Variants in RTN1 observed in about 807,000 individuals in gnomAD.
The protein encoded by RTN1 is reticulon-1.
RTN1 carries 25 observed loss-of-function variants against 65.5 expected under a neutral mutation model. The observed-to-expected ratio is 0.38, with a 90% CI of 0.28 to 0.53. The LOEUF (loss-of-function observed/expected upper bound fraction) is 0.53. RTN1 is among the 20% of genes least tolerant of loss of function. The probability of loss-of-function intolerance (pLI) is 0.79; values close to 1 mark genes in which losing one functional copy is unlikely to be tolerated. For synonymous variants in RTN1, 471 were observed against 447.6 expected (o/e 1.05, Z -0.66); for missense variants, 983 against 1,025.4 (o/e 0.96, Z 0.57).
chr14:59,717,908 T>TCTCAAG (rs1447580979), intron 3 of RTN1, among the ~76,000 whole-genome samples: 6 of 152,208 alleles, frequency 3.9e-5, no homozygotes, highest in Non-Finnish European at 8.8e-5. Context: ...ATTCTCAAGT[T>TCTCAAG]CTCTGCCTAC....
At chr14:59,782,152 G>T (rs545825355) in intron 1 of RTN1, among the ~76,000 whole-genome samples, 2 of 152,230 alleles carry the variant, frequency 1.3e-5, no homozygotes, top group South Asian at 2.1e-4. Flanking sequence ...CACCAAATCT[G>T]CCTTGATCTT....
At chr14:59,776,564 CAA>C (rs1415252715) in intron 1 of RTN1, among the ~76,000 whole-genome samples, 1 of 152,102 alleles carries the variant, frequency 6.6e-6, no homozygotes, top group Non-Finnish European at 1.5e-5. Context: ...CTAAGACATT[CAA>C]AAATAGGAAC....
chr14:59,623,174 C>T (rs1432543467), intron 3 of RTN1, among the ~76,000 whole-genome samples: 1 of 152,246 alleles, frequency 6.6e-6, no homozygotes, highest in Non-Finnish European at 1.5e-5. Flanking sequence ...TCCCGAATGA[C>T]TCCTCCTCGG....
intron 3 of RTN1, 28 bp downstream of exon 3, chr14:59,726,891 C>T (rs949907750): frequency 1.3e-6 from 2 of 1,585,026 alleles, no homozygotes; most frequent in Admixed American, 3.5e-5. Flanking sequence ...AGGACACTAA[C>T]CAAGCATCCC....
At chr14:59,696,917 C>T (rs1299935942) in intron 3 of RTN1, among the ~76,000 whole-genome samples, 1 of 152,146 alleles carries the variant, frequency 6.6e-6, no homozygotes, top group East Asian at 1.9e-4. Context: ...ATCACAAGAT[C>T]TAGAAAATAT....
intron 1 of RTN1, among the ~76,000 whole-genome samples, chr14:59,812,817 AAAC>A (rs1360520495): frequency 6.6e-6 from 1 of 152,236 alleles, no homozygotes; most frequent in Non-Finnish European, 1.5e-5. Flanking sequence ...AAAAGTACAA[AAAC>A]AACACACTGA....
intron 1 of RTN1, among the ~76,000 whole-genome samples, chr14:59,842,543 C>T (rs1887333221): frequency 6.6e-6 from 1 of 151,942 alleles, no homozygotes; most frequent in Non-Finnish European, 1.5e-5. Flanking sequence ...TCTTAGGGCA[C>T]TGGGGCTTAA....
In RTN1 at chr14:59,651,734, AAAAC is replaced by A. The variant is rs754385867; in HGVS notation, c.1766-44246_1766-44243del. Among the ~76,000 whole-genome samples the A allele has an allele frequency of 2.1e-4, 32 of 152,146 alleles. No individual in the cohort carries two copies. In the East Asian group the frequency reaches 4.6e-3, roughly 22 times the overall value. ...GCCTGGGTGACAGAGACTCCATCTC[AAAAC>A]AAACAAACAAACAAACAACCCCCCC... On this transcript the variant is annotated intron_variant, in intron 3 of 8. Transcript: ENST00000267484.
intron 1 of RTN1, among the ~76,000 whole-genome samples, chr14:59,756,833 T>A (rs1275918172): frequency 2.0e-5 from 2 of 99,042 alleles, no homozygotes; most frequent in African/African-American, 5.8e-5. Flanking sequence ...TCCATAATTC[T>A]TTTTTTTGTT....
intron 8 of RTN1, among the ~76,000 whole-genome samples, chr14:59,601,368 C>G (rs1242221123): frequency 4.6e-5 from 7 of 152,138 alleles, no homozygotes; most frequent in Non-Finnish European, 1.5e-5. Context: ...CAGGAAGGAA[C>G]AATTGTTTCC....
At chr14:59,756,783 C>A (rs1007632156) in intron 1 of RTN1, among the ~76,000 whole-genome samples, 3 of 149,556 alleles carry the variant, frequency 2.0e-5, no homozygotes, top group African/African-American at 7.4e-5. Context: ...CCCCACCCCC[C>A]ACACAGAATT....
At chr14:59,697,109 T>C (rs1884079851) in intron 3 of RTN1, among the ~76,000 whole-genome samples, 1 of 152,190 alleles carries the variant, frequency 6.6e-6, no homozygotes, top group Non-Finnish European at 1.5e-5. Context: ...CATTTTCCTA[T>C]GAATAAATGC....
intron 3 of RTN1, among the ~76,000 whole-genome samples, chr14:59,679,815 T>C (rs771996243): frequency 5.3e-5 from 8 of 152,196 alleles, no homozygotes; most frequent in South Asian, 4.1e-4. Flanking sequence ...CAGACTTGCA[T>C]ATAATTTTCC....
intron 1 of RTN1, among the ~76,000 whole-genome samples, chr14:59,761,200 C>T (rs1885741165): frequency 6.6e-6 from 1 of 152,202 alleles, no homozygotes; most frequent in African/African-American, 2.4e-5. Flanking sequence ...AAAGAATTTT[C>T]ATGCTAATTG....
chr14:59,716,548 T>A (rs1019818217), intron 3 of RTN1, among the ~76,000 whole-genome samples: 1 of 152,158 alleles, frequency 6.6e-6, no homozygotes, highest in Non-Finnish European at 1.5e-5. Context: ...ATTCGGAGGG[T>A]AATTTAAATA....
At chr14:59,597,769 A>G (rs571169984) in intron 8 of RTN1, among the ~76,000 whole-genome samples, 5 of 152,356 alleles carry the variant, frequency 3.3e-5, no homozygotes, top group Admixed American at 3.3e-4. Context: ...ACTGATCCTC[A>G]GAGGACAGGA....
chr14:59,723,806 C>T (rs1449242054), intron 3 of RTN1, among the ~76,000 whole-genome samples: 3 of 152,262 alleles, frequency 2.0e-5, no homozygotes, highest in East Asian at 3.9e-4. Context: ...AAGCCACACA[C>T]TTTTGAGTTG....
intron 1 of RTN1, among the ~76,000 whole-genome samples, chr14:59,855,105 T>C (rs12432068): frequency 0.21 from 32,667 of 152,140 alleles, 3,913 homozygotes; most frequent in East Asian, 0.5. Flanking sequence ...CATGAGGCAA[T>C]ATACCTGTCA....
At chr14:59,765,341 G>A (rs912294050) in intron 1 of RTN1, among the ~76,000 whole-genome samples, 2 of 152,200 alleles carry the variant, frequency 1.3e-5, no homozygotes, top group Admixed American at 6.5e-5. Context: ...TCTCAGACCT[G>A]AAGAGATTTA....
Sources: allele counts gnomAD v4.1 joint callset (sites outside exome capture counted in the v4.1 genomes callset), GRCh38; gene constraint gnomAD v4.1.1; transcripts MANE v1.5; gene names NCBI Gene and HGNC (gene_info 2026-07-23, HGNC 2026-07-21).